ARID1B: variants seen among roughly 807,000 people sequenced by gnomAD.
ARID1B encodes AT-rich interaction domain 1B.
A neutral mutation model predicts 212.3 loss-of-function variants in ARID1B; 30 were observed. That is an observed-to-expected ratio of 0.14 (90% CI 0.11 to 0.19). The LOEUF is 0.19. Among genes scored for constraint, ARID1B ranks in the 10% least tolerant of loss-of-function variants. ARID1B has a pLI of 1.00. For missense variants in ARID1B, 2,891 were observed against 3,204.0 expected, an observed-to-expected ratio of 0.90 and a Z score of 2.36; for synonymous variants, 1,402 against 1,301.7, an observed-to-expected ratio of 1.08 and a Z score of -1.66.
intron 8 of ARID1B, among the ~76,000 whole-genome samples, chr6:157,162,695 A>G (rs17165197): frequency 0.16 from 24,932 of 152,158 alleles, 2,839 homozygotes; most frequent in African/African-American, 0.33. Context: ...TAACTCCCCA[A>G]TTTGAACATT....
rs530356504 is a variant in ARID1B at position 157,123,005 on chromosome 6, C to A, written c.2582-10023C>A. Reference sequence around the variant, plus strand: ...CCAGGAATAGGTTTCTTAGTTCAGACTGGTTTTCCTTTAACCCCCACAAAA... The same window carrying A: ...CCAGGAATAGGTTTCTTAGTTCAGAATGGTTTTCCTTTAACCCCCACAAAA... On this transcript the variant is annotated intron_variant, in intron 6 of 19. Coordinates refer to ENST00000636930, the MANE Select transcript of ARID1B (RefSeq NM_001374828.1). 4.6e-5 allele frequency among the ~76,000 whole-genome samples: 7 copies of A among 152,258 alleles called. 1 individual carries two copies. The South Asian group carries it at 1.5e-3, about 32-fold the overall frequency.
At chr6:156,795,425 A>G (rs1780298087) in intron 1 of ARID1B, among the ~76,000 whole-genome samples, 2 of 152,206 alleles carry the variant, frequency 1.3e-5, no homozygotes, top group South Asian at 4.1e-4. Flanking sequence ...ACAAAATATA[A>G]TATTCATTAT....
chr6:156,840,691 C>T (rs1404287945), intron 2 of ARID1B, among the ~76,000 whole-genome samples: 1 of 152,182 alleles, frequency 6.6e-6, no homozygotes, highest in African/African-American at 2.4e-5. Flanking sequence ...AGCTATGGGG[C>T]TGTGTTTTTA....
intron 3 of ARID1B, among the ~76,000 whole-genome samples, chr6:156,927,099 A>T (rs1791284311): frequency 6.6e-6 from 1 of 152,238 alleles, no homozygotes; most frequent in Non-Finnish European, 1.5e-5. Context: ...CCTATCAATT[A>T]TCCAGTATTC....
intron 1 of ARID1B, among the ~76,000 whole-genome samples, chr6:156,807,373 T>G (rs991544401): frequency 3.3e-5 from 5 of 151,970 alleles, no homozygotes; most frequent in Admixed American, 6.6e-5. Context: ...GCCATCTAGT[T>G]GAGTTTCTTC....
intron 4 of ARID1B, among the ~76,000 whole-genome samples, chr6:157,004,090 AGATGAG>A (rs1234576813): frequency 3.3e-5 from 5 of 152,126 alleles, no homozygotes; most frequent in Admixed American, 3.3e-4. Flanking sequence ...TTTTTTGTAG[AGATGAG>A]GTCTGGCTAT....
chr6:157,087,131 C>T lies in ARID1B; in HGVS notation c.2491+2226C>T, dbSNP rs577009825. On this transcript the variant is annotated intron_variant, in intron 5 of 19. Coordinates refer to ENST00000636930, the MANE Select transcript of ARID1B (RefSeq NM_001374828.1). ...AAAGCTATTCAATGAAATTTAGTAC[C>T]GGGAGGAAATTAGGCAGCAAAAGCT... is the stretch of plus-strand genomic sequence containing the variant. 1.8e-4 allele frequency among the ~76,000 whole-genome samples: 27 copies of T among 152,192 alleles called. No homozygotes were observed. In the East Asian group the frequency reaches 5.0e-3, roughly 28 times the overall value.
chr6:157,181,214 C>T (rs758021414), intron 12 of ARID1B, 36 bp downstream of exon 12: 9 of 1,605,218 alleles, frequency 5.6e-6, no homozygotes, highest in Non-Finnish European at 7.7e-6. Context: ...AAAAAGGAAG[C>T]ATTGTGGATA....
chr6:157,022,295 C>T (rs913649189), intron 4 of ARID1B: 1 of 152,248 alleles, frequency 6.6e-6, no homozygotes, highest in Non-Finnish European at 1.5e-5. Context: ...TGTGTAATAG[C>T]TGCTTCTTGG....
chr6:156,966,386 C>CTTTTTTTTTTTCTT (rs1794750186), intron 4 of ARID1B, among the ~76,000 whole-genome samples: 1 of 38,918 alleles, frequency 2.6e-5, no homozygotes, highest in African/African-American at 7.8e-5. Context: ...CTTTTCTTTT[C>CTTTTTTTTTTTCTT]TTTTTTTTTT....
chr6:156,992,271 T>C (rs1778315776), intron 4 of ARID1B, among the ~76,000 whole-genome samples: 1 of 152,212 alleles, frequency 6.6e-6, no homozygotes. Context: ...TAGTCCTTCA[T>C]CTGGGAAAGC....
chr6:156,779,143 TCGC>T lies in ARID1B; in HGVS notation c.1466_1468del (p.Ala489del). On this transcript the variant is annotated inframe_deletion, in exon 1 of 20. Coordinates refer to ENST00000636930, the MANE Select transcript of ARID1B (RefSeq NM_001374828.1). ...TCGGCGGCGGGGGGCTTCCAGCGCTTCGCCGGCCAGAACCAGCACCCGTCGGGG... is the reference window on the plus strand; with the variant it reads ...TCGGCGGCGGGGGGCTTCCAGCGCTTCGGCCAGAACCAGCACCCGTCGGGG... The T allele has an allele frequency of 7.9e-7, 1 of 1,271,938 alleles. No individual in the cohort carries two copies. Among genetic ancestry groups the T allele is most frequent in the African/African-American group, 1.6e-5 (1 of 62,422 alleles). The allele number at this position is 1,271,938 out of a possible 1,614,324, so 78.8% of individuals were successfully genotyped here. A position where few individuals can be genotyped will look rare whatever the true frequency, so the allele number is the denominator to read the frequency against.
At chr6:156,796,794 G>GA (rs527760395) in intron 1 of ARID1B, among the ~76,000 whole-genome samples, 34 of 152,312 alleles carry the variant, frequency 2.2e-4, no homozygotes, top group Non-Finnish European at 3.8e-4. Flanking sequence ...GGGGCTGGGG[G>GA]AAGCAGACAA....
Position 156,778,268 on chromosome 6 carries a change from CCAGCAG to C in ARID1B, c.606_611del (p.Gln213_Gln214del), listed in dbSNP as rs587779743. The C allele has an allele frequency of 7.5e-5, 115 of 1,536,696 alleles. No homozygotes were observed. The highest frequency in any genetic ancestry group is 2.2e-4 in the Admixed American group (11 of 50,744). On this transcript the variant is annotated inframe_deletion, in exon 1 of 20. Transcript: ENST00000636930. ...CACTACAGCAGCAGCTAAACCAGTT[CCAGCAG>C]CAGCAGCAGCAGCAGCAACAGCAGC...
chr6:156,822,383 G>C lies in ARID1B; in HGVS notation c.1792-6844G>C, dbSNP rs565831813. Among the ~76,000 whole-genome samples the C allele has an allele frequency of 3.3e-5, 5 of 152,348 alleles. No individual in the cohort carries two copies. The East Asian group carries it at 9.6e-4, about 29-fold the overall frequency. The stretch of plus-strand genomic sequence containing the variant: ...TATCCTCCTTCAGTCTGATGATCGT[G>C]TATAGACACACCAGACCAGAGATGG... On this transcript the variant is annotated intron_variant, in intron 1 of 19. Transcript: ENST00000636930.
At chr6:156,927,502 T>C (rs369315816) in intron 3 of ARID1B, among the ~76,000 whole-genome samples, 5 of 152,296 alleles carry the variant, frequency 3.3e-5, no homozygotes, top group African/African-American at 1.2e-4. Flanking sequence ...GCATCAAATG[T>C]CTTGATCCCC....
At chr6:156,897,290 T>TCTTCTTCTTCTTCTTC (rs1788555917) in intron 2 of ARID1B, among the ~76,000 whole-genome samples, 1 of 148,714 alleles carries the variant, frequency 6.7e-6, no homozygotes. Flanking sequence ...TTATTATTAT[T>TCTTCTTCTTCTTCTTC]TGAGACAGAG....
At chr6:156,935,764 A>C in intron 4 of ARID1B, 188 bp downstream of exon 4, 1 of 532,050 alleles carries the variant, frequency 1.9e-6, no homozygotes, top group Non-Finnish European at 3.4e-6. Context: ...AGTCTATTTC[A>C]TGTGTATATA....
intron 5 of ARID1B, among the ~76,000 whole-genome samples, 187 bp downstream of exon 5, chr6:157,085,092 C>T (rs796571298): frequency 9.2e-5 from 14 of 152,274 alleles, no homozygotes; most frequent in African/African-American, 3.4e-4. Flanking sequence ...ATTATAACTA[C>T]CCCTTTAATA....
Sources: gnomAD v4.1 joint callset for allele counts (sites outside exome capture counted in the v4.1 genomes callset) on GRCh38, gnomAD v4.1.1 for gene constraint, MANE v1.5 for transcripts, NCBI Gene and HGNC (gene_info 2026-07-23, HGNC 2026-07-21) for gene names.